Variants in SPOCK1 observed in about 807,000 individuals in gnomAD.
The protein encoded by SPOCK1 is SPARC (osteonectin), cwcv and kazal like domains proteoglycan 1, also known as testican-1.
Under a neutral mutation model 55.3 loss-of-function variants are expected in SPOCK1, and 23 were observed. The ratio of observed to expected loss-of-function variants is 0.42; its 90% CI spans 0.30 to 0.59. The LOEUF (loss-of-function observed/expected upper bound fraction) is 0.59. Among genes scored for constraint, SPOCK1 ranks in the 20% least tolerant of loss-of-function variants. The probability of loss-of-function intolerance (pLI) is 0.22; values close to 1 mark genes in which losing one functional copy is unlikely to be tolerated. For synonymous variants in SPOCK1, 226 were observed against 221.0 expected (o/e 1.02, Z -0.20); for missense variants, 499 against 552.5 (o/e 0.90, Z 0.97).
At chr5:137,274,070 A>G (rs928815777) in intron 2 of SPOCK1, among the ~76,000 whole-genome samples, 1 of 152,236 alleles carries the variant, frequency 6.6e-6, no homozygotes, top group East Asian at 1.9e-4. Context: ...TCTTTTCCCA[A>G]GGGAAAGAAC....
chr5:137,154,341 G>T (rs984075909), intron 3 of SPOCK1, among the ~76,000 whole-genome samples: 3 of 152,184 alleles, frequency 2.0e-5, no homozygotes, highest in Non-Finnish European at 4.4e-5. Flanking sequence ...TCTAGATTAA[G>T]TGGTCAGGGA....
intron 6 of SPOCK1, among the ~76,000 whole-genome samples, chr5:137,039,329 C>A (rs1751948978): frequency 1.5e-5 from 2 of 135,066 alleles, no homozygotes; most frequent in South Asian, 2.5e-4. Flanking sequence ...CTGCCTATAC[C>A]CGGAGCCCTA....
At chr5:137,207,513 T>C (rs1209375158) in intron 3 of SPOCK1, among the ~76,000 whole-genome samples, 2 of 152,230 alleles carry the variant, frequency 1.3e-5, no homozygotes, top group African/African-American at 4.8e-5. Flanking sequence ...CCATATGCTT[T>C]ACCTGCAGGT....
chr5:137,031,001 A>G (rs994229869), intron 6 of SPOCK1, among the ~76,000 whole-genome samples: 1 of 152,200 alleles, frequency 6.6e-6, no homozygotes, highest in Non-Finnish European at 1.5e-5. Context: ...AAAAAGCCAT[A>G]GTTTCTGTAT....
At chr5:137,034,122 A>G (rs1423833892) in intron 6 of SPOCK1, among the ~76,000 whole-genome samples, 1 of 152,186 alleles carries the variant, frequency 6.6e-6, no homozygotes, top group African/African-American at 2.4e-5. Context: ...TTGGACTCCA[A>G]TAGCCATGTG....
intron 2 of SPOCK1, among the ~76,000 whole-genome samples, chr5:137,279,284 G>C (rs550085134): frequency 1.3e-5 from 2 of 152,318 alleles, no homozygotes; most frequent in Admixed American, 1.3e-4. Flanking sequence ...CTAGCCAGAG[G>C]AGAAGTAACA....
At chr5:137,125,071 A>G (rs1753761104) in intron 4 of SPOCK1, among the ~76,000 whole-genome samples, 2 of 152,296 alleles carry the variant, frequency 1.3e-5, no homozygotes, top group South Asian at 2.1e-4. Flanking sequence ...CACTTCCCTC[A>G]TGGTATTAAT....
Position 136,994,649 on chromosome 5 carries a change from T to C in SPOCK1, c.590-2049A>G, listed in dbSNP as rs111547606. 1.5e-4 allele frequency among the ~76,000 whole-genome samples: 22 copies of C among 151,618 alleles called. 1 individual carries two copies. The highest frequency in any genetic ancestry group is 5.3e-4 in the African/African-American group (22 of 41,284). ...ACAAATCCACCTACACACAACTGGC[T>C]TTAGCCACATAAAATAGTTGCTTGT... On this transcript the variant is annotated intron_variant, in intron 6 of 10. Coordinates refer to ENST00000394945, the MANE Select transcript of SPOCK1 (RefSeq NM_004598.4).
At chr5:137,229,606 C>T (rs560096621) in intron 3 of SPOCK1, among the ~76,000 whole-genome samples, 40 of 152,250 alleles carry the variant, frequency 2.6e-4, no homozygotes, top group Non-Finnish European at 4.0e-4. Context: ...GGGGCTCAGA[C>T]GAGAGATGTA....
intron 4 of SPOCK1, among the ~76,000 whole-genome samples, chr5:137,136,832 T>C (rs1013464089): frequency 6.6e-6 from 1 of 152,158 alleles, no homozygotes. Flanking sequence ...GCAACCCCAC[T>C]CTACATTGTT....
Position 137,016,962 on chromosome 5 carries a change from G to A in SPOCK1, c.590-24362C>T, listed in dbSNP as rs185278128. On this transcript the variant is annotated intron_variant, in intron 6 of 10. Transcript: ENST00000394945. ...TGTTGGGCCACTCCTATGTGCTCAA[G>A]CACATGTGGAGGCTGGAGCGCTGAG... 3.7e-4 allele frequency among the ~76,000 whole-genome samples: 57 copies of A among 152,354 alleles called. No homozygotes were observed. The East Asian group carries it at 0.01, about 28-fold the overall frequency.
chr5:137,249,490 TA>T (rs1756464868), intron 3 of SPOCK1, among the ~76,000 whole-genome samples: 1 of 152,162 alleles, frequency 6.6e-6, no homozygotes, highest in South Asian at 2.1e-4. Context: ...AGTATGCAGT[TA>T]AAAATGAATA....
chr5:137,040,374 A>G (rs897664420), intron 6 of SPOCK1, among the ~76,000 whole-genome samples: 4 of 152,346 alleles, frequency 2.6e-5, no homozygotes, highest in East Asian at 1.9e-4. Context: ...TGTGGCTACA[A>G]ATTCATCACA....
chr5:137,057,460 A>T (rs1228026225), intron 6 of SPOCK1, among the ~76,000 whole-genome samples: 1 of 152,208 alleles, frequency 6.6e-6, no homozygotes, highest in Non-Finnish European at 1.5e-5. Flanking sequence ...TCCTCAAGTT[A>T]AATTATCAAA....
chr5:137,247,374 G>A (rs906921396), intron 3 of SPOCK1, among the ~76,000 whole-genome samples: 1 of 152,110 alleles, frequency 6.6e-6, no homozygotes, highest in Non-Finnish European at 1.5e-5. Context: ...CCTTGATTCA[G>A]ATGCCACCAG....
chr5:137,024,091 T>A (rs1751623527), intron 6 of SPOCK1, among the ~76,000 whole-genome samples: 1 of 151,640 alleles, frequency 6.6e-6, no homozygotes, highest in East Asian at 1.9e-4. Context: ...ATTAATAAGG[T>A]AGCTTCTCTC....
chr5:137,496,966 C>A (rs1754311666), intron 2 of SPOCK1, among the ~76,000 whole-genome samples: 1 of 152,164 alleles, frequency 6.6e-6, no homozygotes, highest in South Asian at 2.1e-4. Flanking sequence ...AGCAGTCCAA[C>A]ATCAACTAGA....
intron 4 of SPOCK1, among the ~76,000 whole-genome samples, chr5:137,126,791 G>C (rs1462476589): frequency 2.7e-5 from 1 of 36,976 alleles, no homozygotes; most frequent in African/African-American, 1.4e-4. Flanking sequence ...ACTTTTGTTA[G>C]AAAGTTGTAA....
intron 2 of SPOCK1, among the ~76,000 whole-genome samples, chr5:137,299,580 A>T (rs1176857358): frequency 1.3e-5 from 2 of 152,040 alleles, no homozygotes; most frequent in Non-Finnish European, 2.9e-5. Flanking sequence ...CATACAGTAT[A>T]GTTTTGCTGG....
Sources: allele counts gnomAD v4.1 joint callset (sites outside exome capture counted in the v4.1 genomes callset), GRCh38; gene constraint gnomAD v4.1.1; transcripts MANE v1.5; gene names NCBI Gene and HGNC (gene_info 2026-07-23, HGNC 2026-07-21).